NCKAP5: variants seen among roughly 807,000 people sequenced by gnomAD.
NCKAP5 encodes the protein NCK associated protein 5, also known as nck-associated protein 5.
In NCKAP5, 92 loss-of-function variants were observed where a neutral mutation model predicts 167.0. That is an observed-to-expected ratio of 0.55 (90% CI 0.47 to 0.66). The LOEUF (loss-of-function observed/expected upper bound fraction) is 0.66, where lower values mean the gene tolerates loss of function less well. Ranked by LOEUF, NCKAP5 falls within the 30% of genes least tolerant of loss-of-function variation. The probability of loss-of-function intolerance (pLI) is 0.00; values close to 1 mark genes in which losing one functional copy is unlikely to be tolerated. For synonymous variants in NCKAP5, 891 were observed against 877.4 expected (o/e 1.02, Z -0.27); for missense variants, 2,378 against 2,315.0 (o/e 1.03, Z -0.56).
chr2:132,673,396 C>A, intron 19 of NCKAP5, 91 bp from the exon 20 acceptor site: 1 of 1,096,428 alleles, frequency 9.1e-7, no homozygotes. Context: ...GTATAAAGTA[C>A]AGTTTAAAGG....
intron 4 of NCKAP5, among the ~76,000 whole-genome samples, chr2:133,243,592 C>T (rs749669590): frequency 1.3e-5 from 2 of 152,190 alleles, no homozygotes; most frequent in Non-Finnish European, 2.9e-5. Flanking sequence ...TGGCTGGAAG[C>T]TCCATTTTTC....
At chr2:133,199,694 C>T (rs1260368074) in intron 5 of NCKAP5, among the ~76,000 whole-genome samples, 1 of 151,794 alleles carries the variant, frequency 6.6e-6, no homozygotes, top group African/African-American at 2.4e-5. Context: ...TACGATAATA[C>T]CAGCAATTTC....
At chr2:133,012,036 T>A (rs2078177701) in intron 6 of NCKAP5, among the ~76,000 whole-genome samples, 1 of 152,204 alleles carries the variant, frequency 6.6e-6, no homozygotes, top group Admixed American at 6.5e-5. Context: ...CACCGGATCT[T>A]CTTTATCAGA....
chr2:133,346,636 G>A lies in NCKAP5; in HGVS notation c.70-43526C>T, dbSNP rs540883064. On this transcript the variant is annotated intron_variant, in intron 3 of 19. Transcript: ENST00000409261. ...CGGGCCCCTCACAGAGCATGTGTTCGCAAAGTGGCCCACGCAAGGAGCACT... is the reference window on the plus strand; with the variant it reads ...CGGGCCCCTCACAGAGCATGTGTTCACAAAGTGGCCCACGCAAGGAGCACT... 5.9e-5 allele frequency among the ~76,000 whole-genome samples: 9 copies of A among 152,306 alleles called. No individual in the cohort carries two copies. The South Asian group carries it at 1.0e-3, about 18-fold the overall frequency.
intron 6 of NCKAP5, among the ~76,000 whole-genome samples, chr2:133,127,162 G>A (rs2082430106): frequency 6.6e-6 from 1 of 152,066 alleles, no homozygotes; most frequent in East Asian, 1.9e-4. Flanking sequence ...CCCGTCCAAG[G>A]GTGATGCAAT....
At chr2:132,888,325 A>G (rs1558904019) in intron 8 of NCKAP5, among the ~76,000 whole-genome samples, 1 of 152,334 alleles carries the variant, frequency 6.6e-6, no homozygotes, top group East Asian at 1.9e-4. Context: ...TAAACCAGTG[A>G]TAACCAACTT....
At chr2:133,440,779 T>C (rs958366332) in intron 3 of NCKAP5, among the ~76,000 whole-genome samples, 4 of 149,724 alleles carry the variant, frequency 2.7e-5, no homozygotes, top group African/African-American at 9.9e-5. Context: ...ATGGTGCTCA[T>C]TGGCTTGGGG....
chr2:132,997,858 G>T (rs1400996064), intron 6 of NCKAP5, among the ~76,000 whole-genome samples: 1 of 151,868 alleles, frequency 6.6e-6, no homozygotes, highest in Non-Finnish European at 1.5e-5. Flanking sequence ...TAAGTGATCA[G>T]AACCCATTGC....
intron 7 of NCKAP5, among the ~76,000 whole-genome samples, chr2:132,980,280 C>G (rs972831603): frequency 1.2e-4 from 18 of 152,140 alleles, no homozygotes; most frequent in African/African-American, 4.1e-4. Context: ...GTGTGAGCCA[C>G]TGCACCCAGC....
Position 132,785,050 on chromosome 2 carries a change from C to G in NCKAP5, c.1761G>C (p.Thr587=). Reference sequence around the variant, plus strand: ...TGCTCTCTATGTGCAGCTCATCAAACGTTTCATTGTCATCAGTGTCTGAAA... The same window carrying G: ...TGCTCTCTATGTGCAGCTCATCAAAGGTTTCATTGTCATCAGTGTCTGAAA... ...LQLSDTDDNE[T]FDELHIESSD... is the part of the protein sequence containing the mutation. Residue 587 remains threonine, a synonymous_variant, in exon 14 of 20, where the codon ACG becomes ACC. Transcript: ENST00000409261. 1 of 1,614,052 alleles carries G rather than the reference C, an allele frequency of 6.2e-7. No homozygotes were observed. The highest frequency in any genetic ancestry group is 8.5e-7 in the Non-Finnish European group (1 of 1,179,896).
At chr2:132,684,382 C>A (rs1685659238) in intron 19 of NCKAP5, among the ~76,000 whole-genome samples, 1 of 152,106 alleles carries the variant, frequency 6.6e-6, no homozygotes, top group South Asian at 2.1e-4. Flanking sequence ...TATTTAAAAC[C>A]CTTCTGTCAG....
chr2:133,177,152 A>T lies in NCKAP5; in HGVS notation c.207+36564T>A, dbSNP rs1275307254. ...ACTCTAAGAATTTTAGCGACACAGG[A>T]GGTTTTGTTTTCTATATATATATAT... On this transcript the variant is annotated intron_variant, in intron 5 of 19. Coordinates refer to ENST00000409261, the MANE Select transcript of NCKAP5 (RefSeq NM_207363.3). Among the ~76,000 whole-genome samples the T allele has an allele frequency of 3.8e-5, 4 of 106,292 alleles. No individual in the cohort carries two copies. In the East Asian group the frequency reaches 7.6e-4, roughly 20 times the overall value. 69.7% of individuals were successfully genotyped at this position (106,292 alleles called of 152,430 possible).
intron 2 of NCKAP5, among the ~76,000 whole-genome samples, chr2:133,550,130 A>G (rs1438008517): frequency 6.8e-5 from 10 of 148,108 alleles, no homozygotes; most frequent in African/African-American, 2.2e-4. Flanking sequence ...AAAAGAGTCC[A>G]GGACCAGATG....
At chr2:133,179,925 A>G (rs1398120854) in intron 5 of NCKAP5, among the ~76,000 whole-genome samples, 1 of 151,828 alleles carries the variant, frequency 6.6e-6, no homozygotes, top group Non-Finnish European at 1.5e-5. Flanking sequence ...AAAGAATTCA[A>G]AGAAAGAATA....
At chr2:132,683,095 G>C (rs1282600124) in intron 19 of NCKAP5, among the ~76,000 whole-genome samples, 1 of 151,844 alleles carries the variant, frequency 6.6e-6, no homozygotes, top group Non-Finnish European at 1.5e-5. Context: ...TGTTGGCCAG[G>C]CTGGTTTCGA....
At chr2:133,007,884 A>G (rs2078021980) in intron 6 of NCKAP5, among the ~76,000 whole-genome samples, 1 of 152,190 alleles carries the variant, frequency 6.6e-6, no homozygotes, top group African/African-American at 2.4e-5. Context: ...GCCTCATTCA[A>G]CAGCTGTCAC....
intron 3 of NCKAP5, among the ~76,000 whole-genome samples, chr2:133,489,967 C>T (rs1344719969): frequency 6.6e-6 from 1 of 152,136 alleles, no homozygotes; most frequent in African/African-American, 2.4e-5. Context: ...GGGGAGATTT[C>T]CAGGGCACCA....
At chr2:132,797,821 G>A (rs1684724871) in intron 11 of NCKAP5, among the ~76,000 whole-genome samples, 1 of 152,260 alleles carries the variant, frequency 6.6e-6, no homozygotes, top group African/African-American at 2.4e-5. Flanking sequence ...ACTAAAATGA[G>A]TCACATTCTC....
the NCKAP5 span, among the ~76,000 whole-genome samples, chr2:133,585,146 A>G: frequency 2.0e-5 from 3 of 152,234 alleles, no homozygotes; most frequent in African/African-American, 7.2e-5. Flanking sequence ...GTAAAAATAA[A>G]GCAAAATCAA....
Sources: allele counts gnomAD v4.1 joint callset (sites outside exome capture counted in the v4.1 genomes callset), GRCh38; gene constraint gnomAD v4.1.1; transcripts MANE v1.5; gene names NCBI Gene and HGNC (gene_info 2026-07-23, HGNC 2026-07-21).